Variants in RNLS observed in about 807,000 individuals in gnomAD.
RNLS encodes the protein renalase.
Under a neutral mutation model 39.8 loss-of-function variants are expected in RNLS, and 39 were observed. The ratio of observed to expected loss-of-function variants is 0.98; its 90% CI spans 0.76 to 1.28. The LOEUF is 1.28. Ranked by LOEUF, RNLS falls within the 50% of genes most tolerant of loss-of-function variation. The pLI is 0.00. For missense variants in RNLS, 410 were observed against 413.3 expected (o/e 0.99, Z 0.07); for synonymous variants, 147 against 150.7 (o/e 0.98, Z 0.18).
In RNLS at chr10:88,535,040, T is replaced by C. The variant is rs138310032; in HGVS notation, c.526+37863A>G. Among the ~76,000 whole-genome samples, 39 of 152,300 alleles carry C rather than the reference T, an allele frequency of 2.6e-4. No individual in the cohort carries two copies. In the East Asian group the frequency reaches 6.8e-3, roughly 26 times the overall value. On this transcript the variant is annotated intron_variant, in intron 4 of 6. Transcript: ENST00000331772. ...GTGTCAGTTATATTGTTCATGGGTT[T>C]TTAAAAATACATTTGTAACATTTCA...
At chr10:88,268,037 C>T in the RNLS span, among the ~76,000 whole-genome samples, 8 of 152,236 alleles carry the variant, frequency 5.3e-5, no homozygotes, top group Non-Finnish European at 1.0e-4. Context: ...AGAAGGTATT[C>T]GAGACAACAC....
At chr10:88,371,552 C>G (rs1173872856) in intron 4 of RNLS, among the ~76,000 whole-genome samples, 1 of 152,058 alleles carries the variant, frequency 6.6e-6, no homozygotes, top group Admixed American at 6.6e-5. Context: ...GGTTATCTTT[C>G]TACTTTAGAA....
chr10:88,198,182 C>T, the RNLS span, among the ~76,000 whole-genome samples: 3 of 152,208 alleles, frequency 2.0e-5, no homozygotes, highest in Admixed American at 2.0e-4. Flanking sequence ...GTTGCTCTGA[C>T]CACCTTAGTC....
At chr10:88,527,529 G>A (rs1036748058) in intron 4 of RNLS, among the ~76,000 whole-genome samples, 12 of 152,134 alleles carry the variant, frequency 7.9e-5, no homozygotes, top group Admixed American at 2.6e-4. Flanking sequence ...CAACTCACAT[G>A]CCTCATGGGA....
chr10:88,295,923 A>G (rs1409242547), intron 6 of RNLS, among the ~76,000 whole-genome samples: 1 of 152,230 alleles, frequency 6.6e-6, no homozygotes, highest in Non-Finnish European at 1.5e-5. Flanking sequence ...GAAGAAGCAC[A>G]CAATAAAGAA....
At chr10:88,575,344 T>C (rs1590049349) in intron 3 of RNLS, among the ~76,000 whole-genome samples, 1 of 151,040 alleles carries the variant, frequency 6.6e-6, no homozygotes, top group Non-Finnish European at 1.5e-5. Flanking sequence ...ACCTATGTAC[T>C]AGAAAATGCA....
chr10:88,377,692 C>A (rs1309119057), intron 4 of RNLS, among the ~76,000 whole-genome samples: 1 of 152,142 alleles, frequency 6.6e-6, no homozygotes, highest in Non-Finnish European at 1.5e-5. Flanking sequence ...ATGAAAGTTG[C>A]TGTGGGTGAG....
chr10:88,386,755 T>C (rs1339807801), intron 4 of RNLS, among the ~76,000 whole-genome samples: 1 of 152,198 alleles, frequency 6.6e-6, no homozygotes, highest in Non-Finnish European at 1.5e-5. Flanking sequence ...CATTAGGTAT[T>C]AGTTCCCAAA....
At chr10:88,401,388 C>G (rs1852906660) in intron 4 of RNLS, among the ~76,000 whole-genome samples, 1 of 152,050 alleles carries the variant, frequency 6.6e-6, no homozygotes, top group Non-Finnish European at 1.5e-5. Flanking sequence ...AACTCAGTTA[C>G]TCTTAGCATT....
At chr10:88,326,802 GA>G (rs1279303859) in intron 5 of RNLS, among the ~76,000 whole-genome samples, 3 of 152,186 alleles carry the variant, frequency 2.0e-5, no homozygotes, top group Non-Finnish European at 4.4e-5. Context: ...GCCAGCCTGT[GA>G]AAGCAGCTGG....
At chr10:88,243,578 A>G in the RNLS span, among the ~76,000 whole-genome samples, 1 of 152,232 alleles carries the variant, frequency 6.6e-6, no homozygotes, top group African/African-American at 2.4e-5. Flanking sequence ...ACCAAAAATC[A>G]GGGCATCGAT....
chr10:88,278,389 A>C (rs1180026965), intron 6 of RNLS, among the ~76,000 whole-genome samples: 1 of 152,226 alleles, frequency 6.6e-6, no homozygotes, highest in Non-Finnish European at 1.5e-5. Flanking sequence ...TGTCTTGCAG[A>C]AGTGGGTGCA....
intron 4 of RNLS, among the ~76,000 whole-genome samples, chr10:88,395,117 A>G (rs1589721563): frequency 1.3e-5 from 2 of 151,936 alleles, no homozygotes; most frequent in East Asian, 3.9e-4. Flanking sequence ...TGGATGCAGC[A>G]CACCAACATG....
At chr10:88,400,901 A>T (rs893296884) in intron 4 of RNLS, among the ~76,000 whole-genome samples, 2 of 152,006 alleles carry the variant, frequency 1.3e-5, no homozygotes, top group Non-Finnish European at 2.9e-5. Context: ...ACAGATATGT[A>T]ACTCAAATTC....
intron 4 of RNLS, among the ~76,000 whole-genome samples, chr10:88,395,500 AG>A (rs1344630459): frequency 6.6e-6 from 1 of 152,044 alleles, no homozygotes; most frequent in Non-Finnish European, 1.5e-5. Context: ...AGATTTGAGC[AG>A]GCAGAATAAA....
intron 4 of RNLS, among the ~76,000 whole-genome samples, chr10:88,459,315 T>C (rs1179932085): frequency 6.6e-6 from 1 of 152,156 alleles, no homozygotes; most frequent in Non-Finnish European, 1.5e-5. Context: ...AAACATATTC[T>C]GGTGTGCACA....
At chr10:88,404,580 A>G (rs1385945237) in intron 4 of RNLS, among the ~76,000 whole-genome samples, 1 of 152,060 alleles carries the variant, frequency 6.6e-6, no homozygotes, top group Non-Finnish European at 1.5e-5. Context: ...ATTTTAAGTT[A>G]GAAGATGAGG....
chr10:88,186,175 T>C, the RNLS span, among the ~76,000 whole-genome samples: 2 of 152,176 alleles, frequency 1.3e-5, no homozygotes, highest in African/African-American at 4.8e-5. Context: ...CCAATGCTTT[T>C]TAATAAATGA....
Position 88,583,169 on chromosome 10 carries a change from C to T in RNLS, c.22G>A (p.Gly8Ser). The T allele has an allele frequency of 6.2e-7, 1 of 1,614,062 alleles. No homozygotes were observed. The highest frequency in any genetic ancestry group is 1.1e-5 in the South Asian group (1 of 91,084). MAQVLIV[G>S]AGMTGSLCAA... is the part of the protein sequence containing the mutation. ...CACAAGCTTCCTGTCATCCCGGCGCCCACGATCAGCACCTGCGCCATGGCG... is the reference window on the plus strand; with the variant it reads ...CACAAGCTTCCTGTCATCCCGGCGCTCACGATCAGCACCTGCGCCATGGCG... Residue 8 changes from glycine (G) to serine (S), a missense_variant, in exon 1 of 7, where the codon GGC (glycine) becomes AGC (serine). Gly to Ser is a moderately conservative substitution (Grantham distance 56, BLOSUM62 0). Coordinates refer to ENST00000331772, the MANE Select transcript of RNLS (RefSeq NM_001031709.3).
Sources: allele counts gnomAD v4.1 joint callset (sites outside exome capture counted in the v4.1 genomes callset), GRCh38; gene constraint gnomAD v4.1.1; transcripts MANE v1.5; gene names NCBI Gene and HGNC (gene_info 2026-07-23, HGNC 2026-07-21).